CASZ1: variants seen among roughly 807,000 people sequenced by gnomAD.
CASZ1 encodes zinc finger protein castor homolog 1.
CASZ1 carries 28 observed loss-of-function variants against 135.2 expected under a neutral mutation model. That is an observed-to-expected ratio of 0.21 (90% CI 0.15 to 0.28). The LOEUF (loss-of-function observed/expected upper bound fraction) is 0.28. Ranked by LOEUF, CASZ1 falls within the 10% of genes least tolerant of loss-of-function variation. The probability of loss-of-function intolerance (pLI) is 1.00; values close to 1 mark genes in which losing one functional copy is unlikely to be tolerated. For missense variants in CASZ1, 2,161 were observed against 2,453.3 expected (o/e 0.88, Z 2.52); for synonymous variants, 1,068 against 1,073.4 (o/e 0.99, Z 0.10).
At position 10,747,247 on chromosome 1, in the gene CASZ1, G is replaced by T. The variant is rs1465725115; in HGVS notation, c.-77+13454C>A. ...TAAGGGTGGGGCTGGGAAGCAAAGG[G>T]GAAGCCGTCCTTGGGAAGGTGGGGT... On this transcript the variant is annotated intron_variant, in intron 2 of 20. Coordinates refer to ENST00000377022, the MANE Select transcript of CASZ1 (RefSeq NM_001079843.3). This position sits in a 1 kb window ranked among gnomAD's most constrained non-coding sequence, Gnocchi z 4.3. Among the ~76,000 whole-genome samples, 1 of 152,226 alleles carries T rather than the reference G, an allele frequency of 6.6e-6. No individual in the cohort carries two copies. The highest frequency in any genetic ancestry group is 1.5e-5 in the Non-Finnish European group (1 of 68,042).
chr1:10,681,120 C>T (rs1057398411), intron 4 of CASZ1, among the ~76,000 whole-genome samples: 6 of 152,072 alleles, frequency 3.9e-5, no homozygotes, highest in Admixed American at 6.5e-5. Context: ...CGGCTGGTTT[C>T]GAACTTCCAG....
intron 4 of CASZ1, among the ~76,000 whole-genome samples, chr1:10,691,810 T>G (rs1172689260): frequency 6.6e-6 from 1 of 152,164 alleles, no homozygotes; most frequent in East Asian, 1.9e-4. Flanking sequence ...TCTTCTGAAG[T>G]TCTGAGATTA....
chr1:10,694,783 A>G lies in CASZ1; in HGVS notation c.-23-871T>C, dbSNP rs922348101. Among the ~76,000 whole-genome samples, 57 of 143,234 alleles carry G rather than the reference A, an allele frequency of 4.0e-4. No individual in the cohort carries two copies. Among genetic ancestry groups the G allele is most frequent in the Admixed American group, 1.9e-3 (27 of 14,592 alleles). 94.0% of individuals were successfully genotyped at this position (143,234 alleles called of 152,430 possible). A position where few individuals can be genotyped will look rare whatever the true frequency, so the allele number is the denominator to read the frequency against. On this transcript the variant is annotated intron_variant, in intron 3 of 20. Coordinates refer to ENST00000377022, the MANE Select transcript of CASZ1 (RefSeq NM_001079843.3). This position sits in a 1 kb window ranked among gnomAD's most constrained non-coding sequence, Gnocchi z 6.6. ...TCCCCAAACCTCTGGCTCCGGGAGG[A>G]GGAGGCGGGGACTTGCGCTCAGGGC...
Position 10,709,978 on chromosome 1 carries a change from G to A in CASZ1, c.-76-4434C>T, listed in dbSNP as rs777514912. Among the ~76,000 whole-genome samples the A allele has an allele frequency of 1.6e-4, 25 of 152,218 alleles. No individual in the cohort carries two copies. The highest frequency in any genetic ancestry group is 3.4e-4 in the Non-Finnish European group (23 of 68,042). ...GACCCCGGAGTCGGAGCAGGCCTCC[G>A]GATTGGCTCTGGGCTCTTTCCAGGC... On this transcript the variant is annotated intron_variant, in intron 2 of 20. Coordinates refer to ENST00000377022, the MANE Select transcript of CASZ1 (RefSeq NM_001079843.3). The surrounding 1 kb of genome is among the most constrained non-coding windows in gnomAD (Gnocchi z 5.1).
chr1:10,771,097 G>A (rs1640568533), intron 1 of CASZ1, among the ~76,000 whole-genome samples: 1 of 152,218 alleles, frequency 6.6e-6, no homozygotes, highest in African/African-American at 2.4e-5. Context: ...CAAGTACTGA[G>A]CCCAGCTAGA....
At chr1:10,642,160 G>A (rs1440390326) in intron 20 of CASZ1, 4 of 140,138 alleles carry the variant, frequency 2.9e-5, no homozygotes, top group African/African-American at 1.0e-4. Flanking sequence ...CAGAGAGTAT[G>A]AGAGACAGGA....
chr1:10,781,746 T>G (rs1200330200), intron 1 of CASZ1, among the ~76,000 whole-genome samples: 6 of 152,152 alleles, frequency 3.9e-5, no homozygotes, highest in Non-Finnish European at 8.8e-5. Flanking sequence ...TAGCTACCCC[T>G]CATCACCATG....
intron 2 of CASZ1, among the ~76,000 whole-genome samples, chr1:10,749,378 G>A (rs929655941): frequency 1.3e-5 from 2 of 152,064 alleles, no homozygotes; most frequent in East Asian, 3.9e-4. Context: ...CTCCTGAGTA[G>A]CTAGGACTAC....
chr1:10,731,178 A>G (rs1370434453), intron 2 of CASZ1, among the ~76,000 whole-genome samples: 1 of 152,176 alleles, frequency 6.6e-6, no homozygotes, highest in Non-Finnish European at 1.5e-5. Flanking sequence ...AGTATTTTCC[A>G]CATAACTGAT....
intron 8 of CASZ1, among the ~76,000 whole-genome samples, chr1:10,656,412 G>A (rs1461194570): frequency 6.6e-6 from 1 of 152,212 alleles, no homozygotes; most frequent in African/African-American, 2.4e-5. Context: ...AAGGGGACTG[G>A]AATGATCACC....
intron 4 of CASZ1, among the ~76,000 whole-genome samples, chr1:10,672,250 A>C: frequency 7.2e-6 from 1 of 139,310 alleles, no homozygotes; most frequent in Non-Finnish European, 1.5e-5. Flanking sequence ...TAAAAACACA[A>C]ATATGCCATA....
In CASZ1 at chr1:10,649,412, C is replaced by T. The variant is rs117081280; in HGVS notation, c.2906G>A (p.Gly969Asp). 437 of 1,611,062 alleles carry T rather than the reference C, an allele frequency of 2.7e-4. 4 individuals carry two copies. The East Asian group carries it at 9.2e-3, about 34-fold the overall frequency. ...NKMSQGNPGL[G>D]SLLNIKAEAE... ...TTCCGCCTTGATGTTCAGCAGGCTG[C>T]CCAGGCCAGGGTTGCCCTGAGACAT... Residue 969 changes from glycine (G) to aspartate (D), a missense_variant, in exon 14 of 21, where the codon GGC becomes GAC. By Grantham distance (94) the Gly-to-Asp change is moderately conservative. Around this residue, in one of 7 missense-constraint regions of CASZ1, gnomAD observed 406 missense variants for 387.6 expected, o/e 1.05. Coordinates refer to ENST00000377022, the MANE Select transcript of CASZ1 (RefSeq NM_001079843.3).
intron 4 of CASZ1, among the ~76,000 whole-genome samples, chr1:10,667,295 G>A (rs1049052181): frequency 5.3e-5 from 8 of 152,200 alleles, no homozygotes; most frequent in Middle Eastern, 3.2e-3. Context: ...TGGCCCAGAC[G>A]AGACAGGGTG....
intron 1 of CASZ1, among the ~76,000 whole-genome samples, chr1:10,763,370 T>C (rs561429427): frequency 4.6e-5 from 7 of 152,264 alleles, no homozygotes; most frequent in African/African-American, 1.7e-4. Context: ...TAGACAAGCC[T>C]GCTAATCTCC....
At position 10,665,448 on chromosome 1, in the gene CASZ1, C is replaced by T. The variant is rs754354101; in HGVS notation, c.140G>A (p.Arg47Gln). ...KLSRQVVVEK[R>Q]ADAGSHTEGS... ...CTCCGTGTGGGAGCCGGCGTCAGCT[C>T]GCTTCTCCACCACCACCTGGCGGCT... Residue 47 changes from arginine (R) to glutamine (Q), a missense_variant, in exon 5 of 21, where the codon CGA (arginine) becomes CAA (glutamine). Coordinates refer to ENST00000377022, the MANE Select transcript of CASZ1 (RefSeq NM_001079843.3). 30 of 1,610,542 alleles carry T rather than the reference C, an allele frequency of 1.9e-5. No homozygotes were observed. The highest frequency in any genetic ancestry group is 6.7e-5 in the Admixed American group (4 of 59,978).
At chr1:10,644,813 G>A (rs868530575) in intron 18 of CASZ1, 104 bp downstream of exon 18, 9 of 1,187,302 alleles carry the variant, frequency 7.6e-6, no homozygotes, top group South Asian at 7.2e-5. Flanking sequence ...TGGAGCCTGC[G>A]GTGGGGAACA....
intron 2 of CASZ1, among the ~76,000 whole-genome samples, chr1:10,731,085 G>A (rs571040697): frequency 2.0e-5 from 3 of 148,248 alleles, no homozygotes; most frequent in East Asian, 2.0e-4. Flanking sequence ...CAGCTTGGGC[G>A]ACAGAGCTAG....
intron 4 of CASZ1, among the ~76,000 whole-genome samples, chr1:10,677,931 G>C (rs1476576782): frequency 6.6e-6 from 1 of 152,242 alleles, no homozygotes; most frequent in African/African-American, 2.4e-5. Flanking sequence ...CGTTCTCCAG[G>C]GGAAGCAAAG....
Position 10,722,252 on chromosome 1 carries a change from T to C in CASZ1, c.-76-16708A>G, listed in dbSNP as rs540593253. On this transcript the variant is annotated intron_variant, in intron 2 of 20. Coordinates refer to ENST00000377022, the MANE Select transcript of CASZ1 (RefSeq NM_001079843.3). Reference sequence around the variant, plus strand: ...GGGAGAACAGGCAGGAGAGTGAGTGTTGACGGGCACCCCATTCTCAAACGC... The same window carrying C: ...GGGAGAACAGGCAGGAGAGTGAGTGCTGACGGGCACCCCATTCTCAAACGC... 3.0e-4 allele frequency among the ~76,000 whole-genome samples: 46 copies of C among 152,286 alleles called. 1 individual carries two copies. In the South Asian group the frequency reaches 8.7e-3, roughly 29 times the overall value.
Sources: gnomAD v4.1 joint callset for allele counts (sites outside exome capture counted in the v4.1 genomes callset) on GRCh38, gnomAD v4.1.1 for gene constraint, gnomAD v4.1.1 regional missense constraint, Gnocchi (gnomAD v3.1) non-coding constraint, MANE v1.5 for transcripts, NCBI Gene and HGNC (gene_info 2026-07-23, HGNC 2026-07-21) for gene names.